The following MAGED1 variants were observed in gnomAD, a reference collection of about 807,000 sequenced individuals.
MAGED1 encodes the protein melanoma-associated antigen D1.
In MAGED1, 3 loss-of-function variants were observed where a neutral mutation model predicts 54.1. The observed-to-expected ratio is 0.06, with a 90% CI of 0.03 to 0.14. MAGED1 has a LOEUF of 0.14. Ranked by LOEUF, MAGED1 falls within the 10% of genes least tolerant of loss-of-function variation. The pLI is 1.00. For missense variants in MAGED1, 485 were observed against 623.4 expected (o/e 0.78, Z 2.36); for synonymous variants, 217 against 227.3 (o/e 0.95, Z 0.41).
intron 1 of MAGED1, among the ~76,000 whole-genome samples, chrX:51,820,209 A>T (rs1254183230): frequency 9.0e-6 from 1 of 111,628 alleles, no homozygotes; most frequent in East Asian, 2.8e-4. Flanking sequence ...GGGAAGTATG[A>T]CTCCTCCAAC....
intron 1 of MAGED1, among the ~76,000 whole-genome samples, chrX:51,860,488 T>C (rs1927240525): frequency 9.0e-6 from 1 of 111,611 alleles, no homozygotes; most frequent in Non-Finnish European, 1.9e-5. Flanking sequence ...CCCAGTTGTC[T>C]TTCTGCCTTG....
intron 1 of MAGED1, among the ~76,000 whole-genome samples, chrX:51,831,044 T>C (rs1557357421): frequency 9.0e-6 from 1 of 111,273 alleles, no homozygotes; most frequent in African/African-American, 3.3e-5. Context: ...GTATTTTTAG[T>C]AGAGACAGGG....
chrX:51,854,444 G>T (rs1329197914), intron 1 of MAGED1, among the ~76,000 whole-genome samples: 1 of 111,692 alleles, frequency 9.0e-6, no homozygotes, highest in Non-Finnish European at 1.9e-5. Flanking sequence ...CAGTTTAGTT[G>T]TATAGTGGTG....
chrX:51,836,212 T>A (rs1221507459), intron 1 of MAGED1, among the ~76,000 whole-genome samples: 2 of 110,986 alleles, frequency 1.8e-5, no homozygotes, highest in Non-Finnish European at 3.8e-5. Flanking sequence ...TTTTTTTTTT[T>A]TTATTTTGTA....
In MAGED1 at chrX:51,896,822, A is replaced by G. The variant is rs781895854; in HGVS notation, c.1167A>G (p.Pro389=). The stretch of plus-strand genomic sequence containing the variant: ...AGACTCCACCTGGATGGCAGACCCC[A>G]CCGGGCTGGCAGGGTCCTCCAGACT... ...GWQTPPGWQT[P]PGWQGPPDWQ... is the part of the protein sequence containing the mutation. Residue 389 remains proline (P), a synonymous_variant, in exon 4 of 13, where the codon CCA becomes CCG. Coordinates refer to ENST00000326587, the MANE Select transcript of MAGED1 (RefSeq NM_006986.4). 3 of 1,203,819 alleles carry G rather than the reference A, an allele frequency of 2.5e-6. No homozygotes were observed.
In MAGED1 at chrX:51,898,572, T is replaced by A. The variant is rs782470519; in HGVS notation, c.1782-9T>A. The A allele has an allele frequency of 8.3e-7, 1 of 1,200,701 alleles. No individual in the cohort carries two copies. Among genetic ancestry groups the A allele is most frequent in the Non-Finnish European group, 1.1e-6 (1 of 890,278 alleles). ...CCTCTGATTGTGGGTTTCCTTTTTT[T>A]ACCTTCAGGGTGAGACATCCCCTCC... On this transcript the variant is annotated splice_polypyrimidine_tract_variant and intron_variant, in intron 9 of 12. Transcript: ENST00000326587.
At chrX:51,844,612 C>G (rs1557359074) in intron 1 of MAGED1, among the ~76,000 whole-genome samples, 1 of 111,945 alleles carries the variant, frequency 8.9e-6, no homozygotes, top group East Asian at 2.8e-4. Context: ...ATCTTCTCTT[C>G]TCTCTGATCT....
chrX:51,841,047 A>T (rs1926451085), intron 1 of MAGED1, among the ~76,000 whole-genome samples: 1 of 107,760 alleles, frequency 9.3e-6, no homozygotes, highest in African/African-American at 3.4e-5. Context: ...TTACAGTGCC[A>T]CCAACAGTGT....
At chrX:51,883,652 GCA>G (rs1161728029) in intron 1 of MAGED1, among the ~76,000 whole-genome samples, 1 of 112,010 alleles carries the variant, frequency 8.9e-6, no homozygotes, top group African/African-American at 3.2e-5. Flanking sequence ...CATCAAGATG[GCA>G]CAGTTATTAG....
At chrX:51,812,383 C>T (rs782215588) in intron 1 of MAGED1, among the ~76,000 whole-genome samples, 2 of 110,323 alleles carry the variant, frequency 1.8e-5, no homozygotes, top group Admixed American at 9.7e-5. Context: ...GGAAAAGGGG[C>T]AAATGGAAAG....
chrX:51,815,058 G>T (rs1434577402), intron 1 of MAGED1, among the ~76,000 whole-genome samples: 4 of 107,868 alleles, frequency 3.7e-5, no homozygotes, highest in African/African-American at 1.4e-4. Flanking sequence ...CATGAGAATC[G>T]CTTGAACCTG....
chrX:51,832,673 C>T (rs1205497570), intron 1 of MAGED1, among the ~76,000 whole-genome samples: 1 of 111,676 alleles, frequency 9.0e-6, no homozygotes, highest in Non-Finnish European at 1.9e-5. Context: ...CTGCTACTCA[C>T]GAGCCTTAAT....
At chrX:51,873,246 T>A (rs904620081) in intron 1 of MAGED1, among the ~76,000 whole-genome samples, 1 of 109,761 alleles carries the variant, frequency 9.1e-6, no homozygotes, top group Non-Finnish European at 1.9e-5. Context: ...GAGCACTCAC[T>A]ATCATGAGAA....
At chrX:51,887,091 C>CAA (rs139578352) in intron 1 of MAGED1, among the ~76,000 whole-genome samples, 3 of 76,824 alleles carry the variant, frequency 3.9e-5, no homozygotes, top group African/African-American at 1.5e-4. Context: ...TACAATGACT[C>CAA]AAAAAAAAAA....
Position 51,897,828 on chromosome X carries a change from GAA to G in MAGED1, c.1601_1602del (p.Glu534GlyfsTer45). The G allele has an allele frequency of 8.3e-7, 1 of 1,207,572 alleles. No homozygotes were observed. The highest frequency in any genetic ancestry group is 1.1e-6 in the Non-Finnish European group (1 of 892,960). On this transcript the variant is annotated frameshift_variant, in exon 7 of 13. Coordinates refer to ENST00000326587, the MANE Select transcript of MAGED1 (RefSeq NM_006986.4). LOFTEE classifies it high-confidence loss of function. Reference protein sequence around the residue: ...FGIQLKEIDKEEHLYILISTP... With the variant: ...FGIQLKEIDKXEHLYILISTP... ...GATTCAACTGAAAGAAATTGACAAAGAAGAACACCTGTATATTCTCATCAGTA... is the reference window on the plus strand; with the variant it reads ...GATTCAACTGAAAGAAATTGACAAAGGAACACCTGTATATTCTCATCAGTA...
chrX:51,830,308 C>T (rs186149700), intron 1 of MAGED1, among the ~76,000 whole-genome samples: 14 of 110,792 alleles, frequency 1.3e-4, no homozygotes, highest in African/African-American at 4.6e-4. Flanking sequence ...ATGATGCACA[C>T]CATATCAAAT....
chrX:51,888,147 A>G (rs1174214546), intron 1 of MAGED1, among the ~76,000 whole-genome samples: 1 of 111,715 alleles, frequency 9.0e-6, no homozygotes, highest in Non-Finnish European at 1.9e-5. Flanking sequence ...TTAAAGTAAC[A>G]TAGTGTAATT....
intron 1 of MAGED1, among the ~76,000 whole-genome samples, chrX:51,822,683 C>T (rs1159559561): frequency 9.0e-6 from 1 of 110,994 alleles, no homozygotes; most frequent in African/African-American, 3.3e-5. Flanking sequence ...GAATAGATCT[C>T]AGTCATGGTG....
At chrX:51,865,560 G>T (rs1250374904) in intron 1 of MAGED1, among the ~76,000 whole-genome samples, 2 of 110,868 alleles carry the variant, frequency 1.8e-5, no homozygotes, top group African/African-American at 6.6e-5. Context: ...TCACATTTTA[G>T]GTTCATTGAC....
Sources: gnomAD v4.1 joint callset for allele counts (sites outside exome capture counted in the v4.1 genomes callset) on GRCh38, gnomAD v4.1.1 for gene constraint, MANE v1.5 for transcripts, NCBI Gene and HGNC (gene_info 2026-07-23, HGNC 2026-07-21) for gene names.